The following SYT16 variants were observed in gnomAD, a reference collection of about 807,000 sequenced individuals.
The protein encoded by SYT16 is synaptotagmin 16.
In SYT16, 42 loss-of-function variants were observed where a neutral mutation model predicts 61.4. The ratio of observed to expected loss-of-function variants is 0.68; its 90% CI spans 0.53 to 0.89. SYT16 has a LOEUF of 0.89. Among genes scored for constraint, SYT16 ranks in the 40% least tolerant of loss-of-function variants. The pLI is 0.00. For synonymous variants in SYT16, 314 were observed against 302.3 expected (o/e 1.04, Z -0.40); for missense variants, 804 against 807.3 (o/e 1.00, Z 0.05).
chr14:61,899,822 A>G (rs1305416067), intron 1 of SYT16, among the ~76,000 whole-genome samples: 3 of 152,116 alleles, frequency 2.0e-5, no homozygotes, highest in Non-Finnish European at 4.4e-5. Context: ...CATCAATGCT[A>G]TGGTACCGAT....
chr14:61,919,872 A>G (rs911184645), intron 1 of SYT16, among the ~76,000 whole-genome samples: 1 of 1,974 alleles, frequency 5.1e-4, no homozygotes, highest in African/African-American at 1.7e-3. Flanking sequence ...TGATATGCAC[A>G]CTTGGCCAGA....
At chr14:61,940,207 C>A (rs1325892254) in intron 1 of SYT16, among the ~76,000 whole-genome samples, 2 of 152,046 alleles carry the variant, frequency 1.3e-5, no homozygotes, top group Admixed American at 6.6e-5. Context: ...AATTCTTTAA[C>A]CTCAGCTTTT....
intron 7 of SYT16, among the ~76,000 whole-genome samples, chr14:62,091,076 CA>C: frequency 6.6e-6 from 1 of 152,046 alleles, no homozygotes; most frequent in East Asian, 1.9e-4. Context: ...GGGACACAGT[CA>C]AATCATATCA....
chr14:61,990,125 C>G (rs2052485611), intron 2 of SYT16, among the ~76,000 whole-genome samples: 1 of 152,162 alleles, frequency 6.6e-6, no homozygotes, highest in African/African-American at 2.4e-5. Context: ...TCCTTTGAAT[C>G]ATGTTAAAGA....
intron 1 of SYT16, among the ~76,000 whole-genome samples, chr14:61,837,751 G>A (rs2046177313): frequency 2.6e-5 from 4 of 152,184 alleles, no homozygotes. Flanking sequence ...CCACGCCTTG[G>A]ATGCTATGCT....
intron 6 of SYT16, among the ~76,000 whole-genome samples, chr14:62,082,909 A>G (rs1192057359): frequency 1.3e-5 from 2 of 152,216 alleles, no homozygotes; most frequent in African/African-American, 4.8e-5. Flanking sequence ...ACATTAGGCT[A>G]TGCACCAGGG....
intron 1 of SYT16, among the ~76,000 whole-genome samples, chr14:61,940,850 G>A (rs921094040): frequency 2.6e-5 from 4 of 152,130 alleles, no homozygotes; most frequent in East Asian, 3.9e-4. Flanking sequence ...ACTGAGAACC[G>A]GAATGGTTGA....
chr14:62,060,448 G>A (rs1305550087), intron 3 of SYT16, among the ~76,000 whole-genome samples: 1 of 149,858 alleles, frequency 6.7e-6, no homozygotes, highest in Non-Finnish European at 1.5e-5. Flanking sequence ...TAGCTATAGG[G>A]TTTTAGTAGA....
intron 3 of SYT16, among the ~76,000 whole-genome samples, chr14:62,044,459 C>T (rs1383346256): frequency 6.6e-6 from 1 of 152,066 alleles, no homozygotes; most frequent in Admixed American, 6.6e-5. Flanking sequence ...CTTGCCTCCC[C>T]ACCCCCAACA....
intron 1 of SYT16, among the ~76,000 whole-genome samples, chr14:61,927,601 A>T (rs912383077): frequency 4.6e-5 from 7 of 152,176 alleles, no homozygotes; most frequent in African/African-American, 1.4e-4. Context: ...TGTGTTTTTT[A>T]AAAAATGATT....
chr14:62,012,737 T>C (rs2053519038), intron 3 of SYT16, among the ~76,000 whole-genome samples: 1 of 152,234 alleles, frequency 6.6e-6, no homozygotes, highest in South Asian at 2.1e-4. Flanking sequence ...GAGGAAATTA[T>C]ATTTTTGTCT....
chr14:61,940,480 CA>C (rs2050164872), intron 1 of SYT16, among the ~76,000 whole-genome samples: 1 of 152,116 alleles, frequency 6.6e-6, no homozygotes, highest in East Asian at 1.9e-4. Flanking sequence ...GGTCTTGAGC[CA>C]GACTGCCAGG....
intron 1 of SYT16, among the ~76,000 whole-genome samples, chr14:61,861,531 C>T (rs952224345): frequency 2.0e-5 from 3 of 152,222 alleles, no homozygotes; most frequent in East Asian, 1.9e-4. Flanking sequence ...CAGCCCCCCA[C>T]GTAGCTGGGA....
intron 1 of SYT16, among the ~76,000 whole-genome samples, chr14:61,905,874 CA>C (rs2048690223): frequency 1.3e-5 from 2 of 151,884 alleles, no homozygotes; most frequent in Admixed American, 1.3e-4. Context: ...TCTCCTGTAT[CA>C]GCCACCCAAG....
rs547086012 is a variant in SYT16 at position 61,853,747 on chromosome 14, G to A, written c.-325+40937G>A. On this transcript the variant is annotated intron_variant, in intron 1 of 7. Coordinates refer to ENST00000683842, the MANE Select transcript of SYT16 (RefSeq NM_001367656.1). ...ACAAAGACACTTACATGTTGCAAAT[G>A]GGAAAATTTGGGGATAGGAAACGGA... 2.6e-5 allele frequency among the ~76,000 whole-genome samples: 4 copies of A among 152,216 alleles called. No homozygotes were observed. In the South Asian group the frequency reaches 8.3e-4, roughly 32 times the overall value.
chr14:61,984,547 A>G (rs535423657), intron 2 of SYT16, among the ~76,000 whole-genome samples: 2 of 152,274 alleles, frequency 1.3e-5, no homozygotes, highest in Non-Finnish European at 2.9e-5. Flanking sequence ...AATCTTATTC[A>G]TTATGGGTGA....
chr14:61,977,381 G>T (rs527770020), intron 2 of SYT16, among the ~76,000 whole-genome samples: 6 of 152,164 alleles, frequency 3.9e-5, no homozygotes, highest in African/African-American at 1.4e-4. Context: ...AATGAAAGAG[G>T]TTTAACTGAC....
chr14:61,870,199 A>T (rs2047287365), intron 1 of SYT16, among the ~76,000 whole-genome samples: 1 of 152,146 alleles, frequency 6.6e-6, no homozygotes, highest in Non-Finnish European at 1.5e-5. Flanking sequence ...TGTCTGAAAA[A>T]GTATTTACTT....
At chr14:61,909,508 G>A (rs892324669) in intron 1 of SYT16, among the ~76,000 whole-genome samples, 3 of 152,172 alleles carry the variant, frequency 2.0e-5, no homozygotes, top group East Asian at 3.8e-4. Flanking sequence ...TTCACATGGT[G>A]TTCCTCTCTC....
Sources: allele counts gnomAD v4.1 joint callset (sites outside exome capture counted in the v4.1 genomes callset), GRCh38; gene constraint gnomAD v4.1.1; transcripts MANE v1.5; gene names NCBI Gene and HGNC (gene_info 2026-07-23, HGNC 2026-07-21).